ZFHX4: variants seen among roughly 807,000 people sequenced by gnomAD.
ZFHX4 encodes zinc finger homeobox 4.
In ZFHX4, 56 loss-of-function variants were observed where a neutral mutation model predicts 267.6. That is an observed-to-expected ratio of 0.21 (90% CI 0.17 to 0.26). The LOEUF (loss-of-function observed/expected upper bound fraction) is 0.26, where lower values mean the gene tolerates loss of function less well. ZFHX4 is among the 10% of genes least tolerant of loss of function. The pLI is 1.00. For missense variants in ZFHX4, 4,332 were observed against 4,420.0 expected, an observed-to-expected ratio of 0.98 and a Z score of 0.56; for synonymous variants, 1,778 against 1,665.6, an observed-to-expected ratio of 1.07 and a Z score of -1.64.
intron 3 of ZFHX4, among the ~76,000 whole-genome samples, chr8:76,713,782 A>T (rs768588469): frequency 1.3e-4 from 20 of 152,122 alleles, no homozygotes; most frequent in Non-Finnish European, 2.4e-4. Context: ...GAACTGCCTG[A>T]TCTGGAGGAA....
chr8:76,852,232 G>T lies in ZFHX4; in HGVS notation c.5311G>T (p.Ala1771Ser). 1.2e-6 allele frequency: 2 copies of T among 1,612,080 alleles called. No individual in the cohort carries two copies. The highest frequency in any genetic ancestry group is 1.7e-6 in the Non-Finnish European group (2 of 1,178,844). ...TFGMPGMTGM[A>S]GSLLEDLKQQ... ...TGGGATGCCTGGCATGACAGGAATG[G>T]CTGGCTCCTTGCTTGAAGACCTAAA... The change falls in exon 10 of 11, where the codon GCT becomes TCT. Residue 1771 changes from alanine (A) to serine (S), a missense_variant. Coordinates refer to ENST00000651372, the MANE Select transcript of ZFHX4 (RefSeq NM_024721.5).
intron 4 of ZFHX4, among the ~76,000 whole-genome samples, chr8:76,790,163 C>G (rs1810796953): frequency 6.6e-6 from 1 of 152,098 alleles, no homozygotes; most frequent in Non-Finnish European, 1.5e-5. Context: ...AGTACACTTT[C>G]CTATATACAT....
Position 76,864,057 on chromosome 8 carries a change from A to G in ZFHX4, c.10343A>G (p.Gln3448Arg), listed in dbSNP as rs768200300. Residue 3448 changes from glutamine (Q) to arginine (R), a missense_variant, in exon 11 of 11, where the codon CAG becomes CGG. Around this residue, in one of 7 missense-constraint regions of ZFHX4, gnomAD observed 1,648 missense variants for 1,625.0 expected, o/e 1.01. Transcript: ENST00000651372. Reference protein sequence around the residue: ...TVLRVPVSKYQCLACDVAISG... With the variant: ...TVLRVPVSKYRCLACDVAISG... ...CTTCGTGTCCCAGTCAGCAAATATCAGTGTCTTGCCTGTGATGTGGCTATC... is the reference window on the plus strand; with the variant it reads ...CTTCGTGTCCCAGTCAGCAAATATCGGTGTCTTGCCTGTGATGTGGCTATC... The G allele has an allele frequency of 6.2e-7, 1 of 1,613,882 alleles. No homozygotes were observed. Among genetic ancestry groups the G allele is most frequent in the South Asian group, 1.1e-5 (1 of 91,072 alleles).
chr8:76,788,364 C>T (rs975240193), intron 4 of ZFHX4, among the ~76,000 whole-genome samples: 8 of 152,220 alleles, frequency 5.3e-5, no homozygotes, highest in Admixed American at 5.2e-4. Context: ...ATACATCCCT[C>T]ATCAGTGATC....
In ZFHX4 at chr8:76,854,895, G is replaced by A. The variant is rs769354676; in HGVS notation, c.7974G>A (p.Ala2658=). The A allele has an allele frequency of 5.0e-6, 8 of 1,613,148 alleles. No homozygotes were observed. Among genetic ancestry groups the A allele is most frequent in the East Asian group, 2.2e-5 (1 of 44,836 alleles). ...AAGTCTGGTTCCAGAATACACGAGC[G>A]CGGGAGAGGAAAGGCCAGTTCCGGG... The part of the protein sequence containing the change: ...VVQVWFQNTR[A]RERKGQFRAV... The change falls in exon 10 of 11, where the codon GCG becomes GCA. Residue 2658 remains alanine, a synonymous_variant. Transcript: ENST00000651372.
At chr8:76,797,622 A>G (rs1040547251) in intron 4 of ZFHX4, among the ~76,000 whole-genome samples, 5 of 152,186 alleles carry the variant, frequency 3.3e-5, no homozygotes, top group African/African-American at 9.7e-5. Context: ...GCGTTAATCA[A>G]CTTGTTCTGC....
At chr8:76,683,626 G>C (rs1807609858) in intron 1 of ZFHX4, among the ~76,000 whole-genome samples, 2 of 145,880 alleles carry the variant, frequency 1.4e-5, no homozygotes, top group African/African-American at 2.7e-5. Flanking sequence ...ACAGAGAGGA[G>C]AGAGGAAGAG....
At chr8:76,751,714 T>C (rs1290759833) in intron 3 of ZFHX4, among the ~76,000 whole-genome samples, 3 of 152,232 alleles carry the variant, frequency 2.0e-5, no homozygotes, top group Non-Finnish European at 4.4e-5. Flanking sequence ...TGTTTTTATT[T>C]GTAATATGAT....
At chr8:76,748,230 G>T (rs1270763135) in intron 3 of ZFHX4, among the ~76,000 whole-genome samples, 1 of 152,078 alleles carries the variant, frequency 6.6e-6, no homozygotes, top group African/African-American at 2.4e-5. Context: ...ATATCTGTAA[G>T]TCTCACTGAT....
Position 76,851,803 on chromosome 8 carries a change from C to G in ZFHX4, c.4882C>G (p.Pro1628Ala). 1 of 1,613,970 alleles carries G rather than the reference C, an allele frequency of 6.2e-7. No homozygotes were observed. Among genetic ancestry groups the G allele is most frequent in the Non-Finnish European group, 8.5e-7 (1 of 1,179,884 alleles). Residue 1628 changes from proline to alanine, a missense_variant, in exon 10 of 11, where the codon CCC (proline) becomes GCC (alanine). This residue lies in a region of ZFHX4 where 1,371 missense variants were observed against 1,423.1 expected (regional missense o/e 0.96). Coordinates refer to ENST00000651372, the MANE Select transcript of ZFHX4 (RefSeq NM_024721.5). ...QTKARAAKLE[P>A]SGHVAGGHSI... is the part of the protein sequence containing the mutation. ...AAAGGCTAGGGCTGCAAAGCTGGAG[C>G]CCAGTGGTCATGTGGCTGGTGGGCA...
intron 5 of ZFHX4, 118 bp downstream of exon 5, chr8:76,833,524 T>C (rs1370059468): frequency 2.0e-5 from 14 of 708,554 alleles, no homozygotes; most frequent in Non-Finnish European, 3.0e-5. Context: ...TCTGATCATA[T>C]GCCTTATTCA....
intron 3 of ZFHX4, among the ~76,000 whole-genome samples, chr8:76,720,489 T>G (rs1319246675): frequency 6.6e-6 from 1 of 152,160 alleles, no homozygotes; most frequent in Non-Finnish European, 1.5e-5. Flanking sequence ...ATACAAGGTT[T>G]TGTGTGGACA....
intron 3 of ZFHX4, among the ~76,000 whole-genome samples, chr8:76,720,411 T>C (rs572388435): frequency 6.6e-6 from 1 of 152,304 alleles, no homozygotes; most frequent in South Asian, 2.1e-4. Context: ...TATACCCCAT[T>C]AATTGCTGGA....
chr8:76,759,503 G>T (rs1228882326), intron 3 of ZFHX4, among the ~76,000 whole-genome samples: 2 of 152,158 alleles, frequency 1.3e-5, no homozygotes, highest in South Asian at 2.1e-4. Context: ...CTGCCCCCAG[G>T]CCAGGGAGTT....
At chr8:76,694,942 T>C (rs1157857178) in intron 1 of ZFHX4, among the ~76,000 whole-genome samples, 1 of 151,788 alleles carries the variant, frequency 6.6e-6, no homozygotes, top group African/African-American at 2.4e-5. Context: ...TCATTTGTCA[T>C]GGCTGAAGTG....
intron 3 of ZFHX4, among the ~76,000 whole-genome samples, chr8:76,768,887 T>C (rs1287637284): frequency 6.6e-6 from 1 of 152,122 alleles, no homozygotes; most frequent in Non-Finnish European, 1.5e-5. Context: ...CCCTATTTTA[T>C]GTATCAAGAT....
rs573814554 is a variant in ZFHX4 at position 76,705,825 on chromosome 8, G to C, written c.1737G>C (p.Arg579=). Residue 579 remains arginine, a synonymous_variant, in exon 2 of 11, where the codon CGG becomes CGC. Transcript: ENST00000651372. The part of the protein sequence containing the change: ...ATAAHPSEIA[R]GDEDSSATPH... ...CTGCTCATCCAAGTGAAATAGCCCG[G>C]GGAGACGAAGACAGTTCAGCCACTC... is the stretch of plus-strand genomic sequence containing the variant. 2.3e-4 allele frequency: 374 copies of C among 1,613,926 alleles called. No individual in the cohort carries two copies. The East Asian group carries it at 8.1e-3, about 35-fold the overall frequency.
intron 4 of ZFHX4, among the ~76,000 whole-genome samples, chr8:76,782,943 T>G (rs1247968836): frequency 6.6e-6 from 1 of 152,062 alleles, no homozygotes; most frequent in Non-Finnish European, 1.5e-5. Flanking sequence ...GTTATTCTTC[T>G]CTGCCAGGCA....
chr8:76,710,557 C>G (rs1022958050), intron 3 of ZFHX4, among the ~76,000 whole-genome samples: 1 of 152,148 alleles, frequency 6.6e-6, no homozygotes, highest in Non-Finnish European at 1.5e-5. Context: ...AGTGGCTAGA[C>G]AGTAATCTCC....
Sources: gnomAD v4.1 joint callset for allele counts (sites outside exome capture counted in the v4.1 genomes callset) on GRCh38, gnomAD v4.1.1 for gene constraint, gnomAD v4.1.1 regional missense constraint, MANE v1.5 for transcripts, NCBI Gene and HGNC (gene_info 2026-07-23, HGNC 2026-07-21) for gene names.